Variants in LTBP1 observed in about 807,000 individuals in gnomAD.
LTBP1 encodes the protein latent transforming growth factor beta binding protein 1, also known as latent-transforming growth factor beta-binding protein 1.
In LTBP1, 129 loss-of-function variants were observed where a neutral mutation model predicts 207.6. That is an observed-to-expected ratio of 0.62 (90% CI 0.54 to 0.72). The LOEUF (loss-of-function observed/expected upper bound fraction) is 0.72, where lower values mean the gene tolerates loss of function less well. Among genes scored for constraint, LTBP1 ranks in the 30% least tolerant of loss-of-function variants. The pLI is 0.00. For synonymous variants in LTBP1, 963 were observed against 833.7 expected, an observed-to-expected ratio of 1.16 and a Z score of -2.67; for missense variants, 2,281 against 2,217.2, an observed-to-expected ratio of 1.03 and a Z score of -0.58.
At chr2:33,293,730 T>C (rs754006060) in intron 20 of LTBP1, among the ~76,000 whole-genome samples, 1 of 152,186 alleles carries the variant, frequency 6.6e-6, no homozygotes, top group Admixed American at 6.5e-5. Context: ...CAATCTTACA[T>C]AATGTCATTA....
At chr2:33,218,053 C>A (rs2090846684) in intron 8 of LTBP1, among the ~76,000 whole-genome samples, 1 of 152,132 alleles carries the variant, frequency 6.6e-6, no homozygotes, top group Non-Finnish European at 1.5e-5. Context: ...TTATTAATGT[C>A]CACAACTTAT....
chr2:33,267,177 A>G (rs958401857), intron 15 of LTBP1, among the ~76,000 whole-genome samples: 3 of 152,242 alleles, frequency 2.0e-5, no homozygotes, highest in African/African-American at 7.2e-5. Flanking sequence ...CCAGTCTGCT[A>G]CAGCAGCTGG....
chr2:33,206,968 C>T (rs1273118559), intron 7 of LTBP1, among the ~76,000 whole-genome samples: 1 of 151,922 alleles, frequency 6.6e-6, no homozygotes, highest in Non-Finnish European at 1.5e-5. Flanking sequence ...TTGTTTTGCC[C>T]CAAGGAAAGG....
chr2:33,339,454 A>C (rs896166650), intron 24 of LTBP1, among the ~76,000 whole-genome samples: 1 of 152,100 alleles, frequency 6.6e-6, no homozygotes, highest in Non-Finnish European at 1.5e-5. Flanking sequence ...CAGAAAGCCT[A>C]CCTTTAGCAG....
At chr2:33,284,001 A>G (rs1314809302) in intron 19 of LTBP1, among the ~76,000 whole-genome samples, 1 of 152,136 alleles carries the variant, frequency 6.6e-6, no homozygotes. Flanking sequence ...CTTCACGTTG[A>G]TTTGACTCTC....
chr2:33,050,073 G>A (rs1424531147), intron 3 of LTBP1, among the ~76,000 whole-genome samples: 1 of 151,860 alleles, frequency 6.6e-6, no homozygotes, highest in Non-Finnish European at 1.5e-5. Flanking sequence ...CGAACTCCCG[G>A]CCTCAAGCGA....
At chr2:33,184,500 T>G (rs2148764151) in intron 5 of LTBP1, among the ~76,000 whole-genome samples, 1 of 152,358 alleles carries the variant, frequency 6.6e-6, no homozygotes, top group South Asian at 2.1e-4. Flanking sequence ...TGTCTGAATC[T>G]TGACCAGTTT....
intron 2 of LTBP1, among the ~76,000 whole-genome samples, chr2:32,983,998 A>C (rs748485275): frequency 6.6e-6 from 1 of 152,218 alleles, no homozygotes; most frequent in Non-Finnish European, 1.5e-5. Flanking sequence ...CATCTAAGAC[A>C]CTTGTTTTAA....
chr2:33,015,244 CA>C (rs1688213474), intron 2 of LTBP1, among the ~76,000 whole-genome samples: 2 of 152,268 alleles, frequency 1.3e-5, no homozygotes, highest in South Asian at 4.1e-4. Flanking sequence ...TGTGTCTTTG[CA>C]GAGTTTACTT....
intron 4 of LTBP1, among the ~76,000 whole-genome samples, chr2:33,114,183 T>G (rs1363714254): frequency 2.6e-5 from 4 of 152,252 alleles, no homozygotes; most frequent in African/African-American, 9.6e-5. Flanking sequence ...ACTTGTGGTG[T>G]TCTGCTTTAT....
Position 33,181,738 on chromosome 2 carries a change from C to G in LTBP1, c.1202-5118C>G, listed in dbSNP as rs572194140. 5.3e-5 allele frequency among the ~76,000 whole-genome samples: 8 copies of G among 152,306 alleles called. No homozygotes were observed. The South Asian group carries it at 1.2e-3, about 24-fold the overall frequency. ...TCTAAAATATATGCCCCATGGCTAG[C>G]CTTGTAACCAGCGTACCACAAGCAT... On this transcript the variant is annotated intron_variant, in intron 5 of 33. Transcript: ENST00000404816.
At chr2:33,078,253 C>T (rs1015242731) in intron 3 of LTBP1, among the ~76,000 whole-genome samples, 7 of 152,132 alleles carry the variant, frequency 4.6e-5, no homozygotes, top group African/African-American at 1.7e-4. Context: ...CCAGTATTTT[C>T]TCTTAAGGAA....
chr2:33,307,086 AAAAAC>A (rs1328353563), intron 22 of LTBP1, among the ~76,000 whole-genome samples: 2 of 152,114 alleles, frequency 1.3e-5, no homozygotes, highest in Admixed American at 6.6e-5. Flanking sequence ...ACTCCATCTC[AAAAAC>A]AAAACAAAAC....
chr2:33,228,842 A>G (rs2091617976), intron 9 of LTBP1, among the ~76,000 whole-genome samples: 1 of 150,992 alleles, frequency 6.6e-6, no homozygotes, highest in South Asian at 2.1e-4. Flanking sequence ...TGGGACTACA[A>G]GCACACGCCA....
At chr2:33,290,195 C>G (rs143837156) in intron 19 of LTBP1, among the ~76,000 whole-genome samples, 5 of 152,284 alleles carry the variant, frequency 3.3e-5, no homozygotes, top group East Asian at 3.9e-4. Flanking sequence ...AACCCAGTCT[C>G]GAGAGAAAGA....
chr2:33,090,330 A>G (rs1418411676), intron 3 of LTBP1, among the ~76,000 whole-genome samples: 1 of 152,166 alleles, frequency 6.6e-6, no homozygotes, highest in African/African-American at 2.4e-5. Flanking sequence ...ACTTGGTGGG[A>G]TCACAGGTGT....
At chr2:33,290,067 TTAA>T (rs2148789037) in intron 19 of LTBP1, among the ~76,000 whole-genome samples, 1 of 152,202 alleles carries the variant, frequency 6.6e-6, no homozygotes, top group Non-Finnish European at 1.5e-5. Context: ...GTGCTGCGTC[TTAA>T]TATGCTGGAG....
At chr2:33,388,119 G>A (rs1244382819) in intron 31 of LTBP1, among the ~76,000 whole-genome samples, 1 of 152,150 alleles carries the variant, frequency 6.6e-6, no homozygotes, top group Non-Finnish European at 1.5e-5. Flanking sequence ...CTTAAATGTA[G>A]ACAAGAGCCT....
chr2:33,067,991 T>G (rs897070659), intron 3 of LTBP1, among the ~76,000 whole-genome samples: 1 of 152,162 alleles, frequency 6.6e-6, no homozygotes, highest in Admixed American at 6.5e-5. Flanking sequence ...ATAATAAAAA[T>G]TTTTAAATGC....
Sources: gnomAD v4.1 joint callset for allele counts (sites outside exome capture counted in the v4.1 genomes callset) on GRCh38, gnomAD v4.1.1 for gene constraint, MANE v1.5 for transcripts, NCBI Gene and HGNC (gene_info 2026-07-23, HGNC 2026-07-21) for gene names.